RBM17: variants seen among roughly 807,000 people sequenced by gnomAD.
The protein encoded by RBM17 is RNA binding motif protein 17.
Under a neutral mutation model 53.2 loss-of-function variants are expected in RBM17, and 7 were observed. The ratio of observed to expected loss-of-function variants is 0.13; its 90% CI spans 0.07 to 0.25. RBM17 has a LOEUF of 0.25. Ranked by LOEUF, RBM17 falls within the 10% of genes least tolerant of loss-of-function variation. The pLI is 1.00. For synonymous variants in RBM17, 167 were observed against 178.1 expected (o/e 0.94, Z 0.50); for missense variants, 257 against 496.7 (o/e 0.52, Z 4.59).
chr10:6,100,012 C>T (rs753511288), intron 2 of RBM17, among the ~76,000 whole-genome samples: 8 of 151,964 alleles, frequency 5.3e-5, no homozygotes, highest in East Asian at 1.9e-4. Flanking sequence ...GAGCCGAGAT[C>T]GAACTCCAGC....
chr10:6,110,554 C>T (rs1295410571), intron 7 of RBM17, among the ~76,000 whole-genome samples: 3 of 152,182 alleles, frequency 2.0e-5, no homozygotes, highest in Admixed American at 1.3e-4. Context: ...CGGGGTCATT[C>T]TAACTACAAG....
intron 2 of RBM17, among the ~76,000 whole-genome samples, chr10:6,100,513 T>C (rs10905773): frequency 0.25 from 38,517 of 152,002 alleles, 6,140 homozygotes; most frequent in Middle Eastern, 0.37. Context: ...ATTAGACAGA[T>C]CTAGAACAAA....
chr10:6,091,749 C>T (rs1840489246), intron 1 of RBM17, among the ~76,000 whole-genome samples: 1 of 152,000 alleles, frequency 6.6e-6, no homozygotes, highest in African/African-American at 2.4e-5. Context: ...AACACCCCTG[C>T]CTTTAGGGGG....
rs373376643 is a variant in RBM17 at position 6,101,365 on chromosome 10, C to T, written c.218C>T (p.Pro73Leu). The T allele has an allele frequency of 8.7e-6, 14 of 1,612,344 alleles. No individual in the cohort carries two copies. The highest frequency in any genetic ancestry group is 1.7e-5 in the Admixed American group (1 of 59,532). ...SDDRQIVDTP[P>L]HVAAGLKDPV... ...GACCGGCAAATTGTGGACACTCCAC[C>T]GCATGTAGCAGCTGGGCTGAAGGTA... is the stretch of plus-strand genomic sequence containing the variant. The change falls in exon 3 of 12, where the codon CCG becomes CTG. Residue 73 changes from proline (P) to leucine (L), a missense_variant. By Grantham distance (98) the Pro-to-Leu change is moderately conservative (BLOSUM62 -3). Around this residue, in one of 6 missense-constraint regions of RBM17, gnomAD observed 127 missense variants for 217.2 expected, o/e 0.58. Transcript: ENST00000379888.
chr10:6,108,777 T>TAA, intron 6 of RBM17, 35 bp downstream of exon 6: 1 of 1,541,966 alleles, frequency 6.5e-7, no homozygotes, highest in Middle Eastern at 1.8e-4. Flanking sequence ...TTTATTCTGA[T>TAA]ACAGGTCTTT....
At chr10:6,090,966 C>T (rs927584603) in intron 1 of RBM17, among the ~76,000 whole-genome samples, 1 of 147,562 alleles carries the variant, frequency 6.8e-6, no homozygotes, top group Non-Finnish European at 1.5e-5. Context: ...CCTCCTGTTC[C>T]TTTCTGGGTA....
At chr10:6,114,335 T>A in intron 10 of RBM17, 188 bp downstream of exon 10, 2 of 455,858 alleles carry the variant, frequency 4.4e-6, no homozygotes, top group Middle Eastern at 4.2e-4. Context: ...ATTTCAAGTT[T>A]TATTTGATGA....
chr10:6,101,280 A>G lies in RBM17; in HGVS notation c.133A>G (p.Thr45Ala). 8.1e-6 allele frequency: 13 copies of G among 1,595,336 alleles called. No individual in the cohort carries two copies. The highest frequency in any genetic ancestry group is 1.1e-5 in the Non-Finnish European group (13 of 1,173,974). ...TTTTTGATGATTTTAGAGCCAAAGG[A>G]CGAAACAAAGTACAGTCCTCGCCCC... is the stretch of plus-strand genomic sequence containing the variant. The part of the protein sequence containing the change: ...AALTQAKSQR[T>A]KQSTVLAPVI... The change falls in exon 3 of 12, where the codon ACG becomes GCG. Residue 45 changes from threonine to alanine, a missense_variant. Thr to Ala is a moderately conservative substitution (Grantham distance 58). Around this residue, in one of 6 missense-constraint regions of RBM17, gnomAD observed 127 missense variants for 217.2 expected, o/e 0.58. Transcript: ENST00000379888.
Position 6,113,464 on chromosome 10 carries a change from G to GC in RBM17, c.857-43dup, listed in dbSNP as rs1408769403. On this transcript the variant is annotated intron_variant, in intron 8 of 11. Transcript: ENST00000379888. ...AGTTCTGTAACACATCTAATGATAT[G>GC]CTGCTCAGTTCTGTAACACATCTAA... 4 of 1,299,472 alleles carry GC rather than the reference G, an allele frequency of 3.1e-6. No individual in the cohort carries two copies. In the South Asian group the frequency reaches 4.8e-5, roughly 16 times the overall value. 80.5% of individuals were successfully genotyped at this position (1,299,472 alleles called of 1,614,324 possible).
At chr10:6,091,029 A>ATTTATATATTTTTATATATT (rs367876302) in intron 1 of RBM17, among the ~76,000 whole-genome samples, 1 of 141,726 alleles carries the variant, frequency 7.1e-6, no homozygotes, top group Non-Finnish European at 1.5e-5. Context: ...ATTTATATAT[A>ATTTATATATTTTTATATATT]TTTATATATT....
At position 6,116,761 on chromosome 10, in the gene RBM17, A is replaced by G. The variant is rs1185195463; in HGVS notation, c.*1205A>G. On this transcript the variant is annotated 3_prime_UTR_variant, in exon 12 of 12. Transcript: ENST00000379888. ...ATGGACTTGGTTTGGAGACATAAGG[A>G]ATATTCTGACCCTTTTTAAAAAAGG... 6.6e-6 allele frequency: 1 copy of G among 152,354 alleles called. No individual in the cohort carries two copies. Among genetic ancestry groups the G allele is most frequent in the Non-Finnish European group, 1.5e-5 (1 of 68,030 alleles). 9.4% of individuals were successfully genotyped at this position (152,354 alleles called of 1,614,324 possible). A position where few individuals can be genotyped will look rare whatever the true frequency, so the allele number is the denominator to read the frequency against.
At chr10:6,097,939 G>T (rs1214537936) in intron 2 of RBM17, among the ~76,000 whole-genome samples, 2 of 152,202 alleles carry the variant, frequency 1.3e-5, no homozygotes, top group Non-Finnish European at 2.9e-5. Flanking sequence ...AAGCTGCTGC[G>T]TGCAACTTAT....
chr10:6,098,593 T>G (rs932912211), intron 2 of RBM17, among the ~76,000 whole-genome samples: 37 of 125,202 alleles, frequency 3.0e-4, no homozygotes, highest in Admixed American at 1.6e-4. Flanking sequence ...TTTTTTTTTT[T>G]GAGACGTAGT....
At chr10:6,113,332 T>G (rs1377098999) in intron 8 of RBM17, 176 bp from the exon 9 acceptor site, 1 of 511,456 alleles carries the variant, frequency 2.0e-6, no homozygotes, top group African/African-American at 1.9e-5. Context: ...GAGGCTTTTA[T>G]TGCAGATAAG....
intron 10 of RBM17, 87 bp from the exon 11 acceptor site, chr10:6,115,152 A>G: frequency 1.0e-6 from 1 of 986,944 alleles, no homozygotes; most frequent in Non-Finnish European, 1.5e-6. Flanking sequence ...TAATTAGAAT[A>G]TCCACTCTGA....
chr10:6,112,111 G>A lies in RBM17; in HGVS notation c.705-99G>A. 2 of 1,237,700 alleles carry A rather than the reference G, an allele frequency of 1.6e-6. No individual in the cohort carries two copies. Among genetic ancestry groups the A allele is most frequent in the Non-Finnish European group, 2.3e-6 (2 of 876,434 alleles). The allele number at this position is 1,237,700 out of a possible 1,614,324, so 76.7% of individuals were successfully genotyped here. A position where few individuals can be genotyped will look rare whatever the true frequency, so the allele number is the denominator to read the frequency against. ...CTTTGTTGAAGCCCCTGTGGAGCAT[G>A]CACTCTCTCCAGAAGGAGGTTGTTG... On this transcript the variant is annotated intron_variant, in intron 7 of 11. Transcript: ENST00000379888. This position sits in a 1 kb window ranked among gnomAD's most constrained non-coding sequence, Gnocchi z 4.4.
At chr10:6,091,264 G>C (rs1354233556) in intron 1 of RBM17, among the ~76,000 whole-genome samples, 1 of 151,926 alleles carries the variant, frequency 6.6e-6, no homozygotes, top group Non-Finnish European at 1.5e-5. Context: ...TCACCATGTT[G>C]GCCAGGCTGG....
intron 10 of RBM17, 40 bp from the exon 11 acceptor site, chr10:6,115,199 C>T (rs200913741): frequency 3.2e-5 from 49 of 1,526,606 alleles, no homozygotes; most frequent in Non-Finnish European, 4.2e-5. Flanking sequence ...TCAATGCAAT[C>T]TCAAATGCCT....
At position 6,098,245 on chromosome 10, in the gene RBM17, G is replaced by A. The variant is rs894589862; in HGVS notation, c.123+1057G>A. On this transcript the variant is annotated intron_variant, in intron 2 of 11. Coordinates refer to ENST00000379888, the MANE Select transcript of RBM17 (RefSeq NM_032905.5). The stretch of plus-strand genomic sequence containing the variant: ...TTTTGGGGGTGAAAAAACCTTGCTC[G>A]TGTTGTGCACAGTGTATCTGTGGTG... 5.9e-5 allele frequency among the ~76,000 whole-genome samples: 9 copies of A among 152,118 alleles called. 1 individual carries two copies. The highest frequency in any genetic ancestry group is 5.2e-4 in the Admixed American group (8 of 15,270).
Sources: allele counts gnomAD v4.1 joint callset (sites outside exome capture counted in the v4.1 genomes callset), GRCh38; gene constraint gnomAD v4.1.1; regional missense constraint gnomAD v4.1.1; non-coding constraint Gnocchi (gnomAD v3.1); transcripts MANE v1.5; gene names NCBI Gene and HGNC (gene_info 2026-07-23, HGNC 2026-07-21).